Variants in ARL5C observed in about 807,000 individuals in gnomAD.
The protein encoded by ARL5C is ARF like GTPase 5C.
In ARL5C, 21 loss-of-function variants were observed where a neutral mutation model predicts 20.8. The ratio of observed to expected loss-of-function variants is 1.01; its 90% confidence interval spans 0.72 to 1.46. The LOEUF is 1.46. Among genes scored for constraint, ARL5C ranks in the 40% most tolerant of loss-of-function variants. The pLI, the probability that ARL5C is intolerant of heterozygous loss-of-function variation, is 0.00. For missense variants in ARL5C, 199 were observed against 225.1 expected, an observed-to-expected ratio of 0.88 and a Z score of 0.74; for synonymous variants, 71 against 81.6, an observed-to-expected ratio of 0.87 and a Z score of 0.70.
At chr17:39,158,309 CCTT>C (rs1187543867) in intron 5 of ARL5C, among the ~76,000 whole-genome samples, 2 of 151,752 alleles carry the variant, frequency 1.3e-5, no homozygotes, top group Non-Finnish European at 2.9e-5. Flanking sequence ...TAAAGTCTCC[CCTT>C]CTTCAAAAAA....
At chr17:39,159,876 C>G (rs1383111577) in intron 5 of ARL5C, among the ~76,000 whole-genome samples, 1 of 152,196 alleles carries the variant, frequency 6.6e-6, no homozygotes, top group African/African-American at 2.4e-5. Flanking sequence ...AAGGCTTGTT[C>G]CCCAGGTCTC....
chr17:39,164,212 A>G (rs1481855276), intron 2 of ARL5C: 1 of 152,138 alleles, frequency 6.6e-6, no homozygotes, highest in Non-Finnish European at 1.5e-5. Context: ...GCACTTTGAG[A>G]GCAACAGCGC....
chr17:39,162,711 C>A lies in ARL5C; in HGVS notation c.255G>T (p.Glu85Asp). 1 of 1,551,524 alleles carries A rather than the reference C, an allele frequency of 6.4e-7. No homozygotes were observed. Among genetic ancestry groups the A allele is most frequent in the Non-Finnish European group, 8.7e-7 (1 of 1,146,872 alleles). The part of the protein sequence containing the change: ...FIWNTYYSNT[E>D]FIILVIDSTD... The stretch of plus-strand genomic sequence containing the variant: ...CCTTCAGCCCTGGTGCCCTCCTCAC[C>A]TCAGTGTTGGAGTAGTATGTGTTCC... Residue 85 changes from glutamate to aspartate, a missense_variant and splice_region_variant, in exon 3 of 6, where the codon GAG (glutamate) becomes GAT (aspartate). By Grantham distance (45) the Glu-to-Asp change is conservative. Coordinates refer to ENST00000269586, the MANE Select transcript of ARL5C (RefSeq NM_001143968.1).
intron 5 of ARL5C, among the ~76,000 whole-genome samples, chr17:39,159,416 C>T (rs1677345682): frequency 2.0e-5 from 3 of 151,660 alleles, no homozygotes; most frequent in East Asian, 1.9e-4. Context: ...CCTGCCTCAC[C>T]CTCCCAAGTA....
At position 39,160,444 on chromosome 17, in the gene ARL5C, C is replaced by G. The variant is rs942590284; in HGVS notation, c.491+147G>C. On this transcript the variant is annotated intron_variant, in intron 5 of 5. Coordinates refer to ENST00000269586, the MANE Select transcript of ARL5C (RefSeq NM_001143968.1). ...TGCTTGTGGCTTACCCACCACATCT[C>G]ACCTGTGGGGAGATGCCAAATTGGC... 41 of 914,424 alleles carry G rather than the reference C, an allele frequency of 4.5e-5. No individual in the cohort carries two copies. In the African/African-American group the frequency reaches 6.5e-4, roughly 15 times the overall value. The allele number at this position is 914,424 out of a possible 1,614,324, so 56.6% of individuals were successfully genotyped here. A position where few individuals can be genotyped will look rare whatever the true frequency, so the allele number is the denominator to read the frequency against.
chr17:39,156,778 T>C, downstream of ARL5C: 1 of 1,230,680 alleles, frequency 8.1e-7, no homozygotes. Context: ...TCACTGTCCA[T>C]AGCAGCCACT....
rs1009967820 is a variant in ARL5C, at chr17:39,160,615, C to A, written c.467G>T (p.Gly156Val). Residue 156 changes from glycine (G) to valine (V), a missense_variant, in exon 5 of 6, where the codon GGC becomes GTC. By Grantham distance (109) the Gly-to-Val change is moderately radical. Coordinates refer to ENST00000269586, the MANE Select transcript of ARL5C (RefSeq NM_001143968.1). ...CCCTTCCCTGGTGAGGGCACAGCAG[C>A]CTTGTATATGCCACGAGTGGTCTTT... ...TIKDHSWHIQ[G>V]CCALTREGLP... 8 of 1,551,694 alleles carry A rather than the reference C, an allele frequency of 5.2e-6. No individual in the cohort carries two copies. The African/African-American group carries it at 1.1e-4, about 21-fold the overall frequency.
At chr17:39,160,765 C>A in intron 4 of ARL5C, 23 bp from the exon 5 acceptor site, 1 of 1,549,376 alleles carries the variant, frequency 6.5e-7, no homozygotes, top group South Asian at 1.2e-5. Flanking sequence ...GAGCCCAGCC[C>A]CAGTCAGCCT....
intron 3 of ARL5C, among the ~76,000 whole-genome samples, 174 bp from the exon 4 acceptor site, chr17:39,161,525 T>C (rs980698017): frequency 1.4e-4 from 22 of 151,830 alleles, no homozygotes; most frequent in Non-Finnish European, 2.9e-4. Context: ...TCTTTTTTTT[T>C]TTTTTTGAGG....
intron 5 of ARL5C, 144 bp from the exon 6 acceptor site, chr17:39,157,086 G>GTA: frequency 2.2e-6 from 2 of 903,644 alleles, no homozygotes; most frequent in Non-Finnish European, 3.4e-6. Context: ...ACTGGCTTGA[G>GTA]TATCTGCTGT....
intron 4 of ARL5C, 124 bp downstream of exon 4, chr17:39,161,144 T>C: frequency 1.1e-6 from 1 of 901,954 alleles, no homozygotes; most frequent in South Asian, 1.5e-5. Flanking sequence ...GCCCTCCTCA[T>C]GCTGCTGGTA....
At chr17:39,163,350 C>CTTTCT (rs2045444830) in intron 2 of ARL5C, among the ~76,000 whole-genome samples, 1 of 94,924 alleles carries the variant, frequency 1.1e-5, no homozygotes, top group Non-Finnish European at 1.9e-5. Flanking sequence ...TTTTGCCTTT[C>CTTTCT]TTTCTTTCTT....
In ARL5C at chr17:39,159,576, C is replaced by A. The variant is rs1024708045; in HGVS notation, c.491+1015G>T. On this transcript the variant is annotated intron_variant, in intron 5 of 5. Coordinates refer to ENST00000269586, the MANE Select transcript of ARL5C (RefSeq NM_001143968.1). ...CCTCCCAAAGTGCTGGGATTACAGG[C>A]ATGAGCCACCGCGCCCCGCCATCAT... is the stretch of plus-strand genomic sequence containing the variant. Among the ~76,000 whole-genome samples the A allele has an allele frequency of 2.0e-5, 3 of 152,164 alleles. No individual in the cohort carries two copies. The East Asian group carries it at 5.8e-4, about 29-fold the overall frequency.
At position 39,163,028 on chromosome 17, in the gene ARL5C, C is replaced by T. The variant is rs189219654; in HGVS notation, c.108-170G>A. ...CGTGCTGGGCCCTGGGGAATGAAGA[C>T]AGGAGTGAGACTAAGCCCTGCCCTG... On this transcript the variant is annotated intron_variant, in intron 2 of 5. Transcript: ENST00000269586. 7.9e-5 allele frequency among the ~76,000 whole-genome samples: 12 copies of T among 152,336 alleles called. No individual in the cohort carries two copies. In the East Asian group the frequency reaches 1.2e-3, roughly 15 times the overall value.
chr17:39,162,881 C>T, intron 2 of ARL5C, 23 bp from the exon 3 acceptor site: 1 of 1,548,358 alleles, frequency 6.5e-7, no homozygotes, highest in Non-Finnish European at 8.7e-7. Context: ...GAGTGGGCAC[C>T]AAGAGCTCAG....
intron 3 of ARL5C, among the ~76,000 whole-genome samples, chr17:39,162,234 T>G (rs1597668516): frequency 6.6e-6 from 1 of 152,220 alleles, no homozygotes; most frequent in African/African-American, 2.4e-5. Flanking sequence ...CTGACATATA[T>G]GCATTACATA....
intron 5 of ARL5C, among the ~76,000 whole-genome samples, chr17:39,157,878 G>A (rs181645749): frequency 1.3e-5 from 2 of 151,882 alleles, no homozygotes; most frequent in Non-Finnish European, 2.9e-5. Context: ...CGGATCATGA[G>A]GTCAGGAGAT....
chr17:39,158,101 A>AAGGGAAGGAGGGAGGG (rs2045415479), intron 5 of ARL5C, among the ~76,000 whole-genome samples: 1 of 134,680 alleles, frequency 7.4e-6, no homozygotes, highest in Admixed American at 7.3e-5. Context: ...CCGTCGAAGA[A>AAGGGAAGGAGGGAGGG]AGGGAAGGAG....
In ARL5C at chr17:39,159,664, C is replaced by T. The variant is rs529280175; in HGVS notation, c.491+927G>A. Among the ~76,000 whole-genome samples the T allele has an allele frequency of 4.6e-5, 7 of 152,254 alleles. No homozygotes were observed. The South Asian group carries it at 8.3e-4, about 18-fold the overall frequency. ...GCCTCCCCTACCGGAAAGTAAGCTC[C>T]GTGAGGGCAGGGATTTTTGTCTGTT... On this transcript the variant is annotated intron_variant, in intron 5 of 5. Transcript: ENST00000269586.
Sources: allele counts gnomAD v4.1 joint callset (sites outside exome capture counted in the v4.1 genomes callset), GRCh38; gene constraint gnomAD v4.1.1; transcripts MANE v1.5; gene names NCBI Gene and HGNC (gene_info 2026-07-23, HGNC 2026-07-21).